The following ARHGAP42 variants were observed in gnomAD, a reference collection of about 807,000 sequenced individuals.
The protein encoded by ARHGAP42 is rho GTPase-activating protein 42.
Under a neutral mutation model 125.0 loss-of-function variants are expected in ARHGAP42, and 63 were observed. That is an observed-to-expected ratio of 0.50 (90% CI 0.41 to 0.62). The LOEUF (loss-of-function observed/expected upper bound fraction) is 0.62. Ranked by LOEUF, ARHGAP42 falls within the 20% of genes least tolerant of loss-of-function variation. The probability of loss-of-function intolerance (pLI) is 0.00; values close to 1 mark genes in which losing one functional copy is unlikely to be tolerated. For synonymous variants in ARHGAP42, 339 were observed against 351.0 expected (o/e 0.97, Z 0.38); for missense variants, 766 against 1,024.2 (o/e 0.75, Z 3.44).
At chr11:100,905,827 A>T (rs1866717953) in intron 4 of ARHGAP42, among the ~76,000 whole-genome samples, 1 of 152,104 alleles carries the variant, frequency 6.6e-6, no homozygotes, top group South Asian at 2.1e-4. Flanking sequence ...AGATAACCAA[A>T]ATTAGCCAGG....
intron 1 of ARHGAP42, among the ~76,000 whole-genome samples, chr11:100,721,104 A>G (rs976231728): frequency 6.6e-6 from 1 of 152,174 alleles, no homozygotes; most frequent in Admixed American, 6.5e-5. Flanking sequence ...ATATTGATAC[A>G]TTATTCTTAA....
rs141352180 is a variant in ARHGAP42, at chr11:100,949,867, G to A, written c.1123-50G>A. 1,545 of 1,244,780 alleles carry A rather than the reference G, an allele frequency of 1.2e-3. 15 individuals carry two copies. The African/African-American group carries it at 0.021, about 17-fold the overall frequency. 77.1% of individuals were successfully genotyped at this position (1,244,780 alleles called of 1,614,324 possible). A position where few individuals can be genotyped will look rare whatever the true frequency, so the allele number is the denominator to read the frequency against. ...ACAGATATCACCTTGCTAATCTTTT[G>A]TGCTGGGTCATTAACTGGAAGTAAC... is the stretch of plus-strand genomic sequence containing the variant. On this transcript the variant is annotated intron_variant, in intron 11 of 23. Coordinates refer to ENST00000298815, the MANE Select transcript of ARHGAP42 (RefSeq NM_152432.4).
At chr11:100,816,198 C>T (rs534288966) in intron 3 of ARHGAP42, among the ~76,000 whole-genome samples, 11 of 152,238 alleles carry the variant, frequency 7.2e-5, no homozygotes, top group Admixed American at 6.5e-5. Context: ...TATGGTAATT[C>T]TATTTTTAAT....
At chr11:100,783,978 G>T (rs932288612) in intron 2 of ARHGAP42, among the ~76,000 whole-genome samples, 9 of 152,284 alleles carry the variant, frequency 5.9e-5, no homozygotes, top group Admixed American at 5.9e-4. Context: ...TAATGCTAAG[G>T]AGAATGTGCC....
chr11:100,749,499 G>C lies in ARHGAP42; in HGVS notation c.155-20844G>C, dbSNP rs536691341. On this transcript the variant is annotated intron_variant, in intron 1 of 23. Coordinates refer to ENST00000298815, the MANE Select transcript of ARHGAP42 (RefSeq NM_152432.4). ...TGTCTCGCCTGGCCTGCCCCGGAAGGCTCAACCCCTCAAACCAGGGATGTC... is the reference window on the plus strand; with the variant it reads ...TGTCTCGCCTGGCCTGCCCCGGAAGCCTCAACCCCTCAAACCAGGGATGTC... Among the ~76,000 whole-genome samples the C allele has an allele frequency of 1.5e-4, 22 of 149,034 alleles. No homozygotes were observed. The South Asian group carries it at 2.2e-3, about 15-fold the overall frequency.
chr11:100,705,166 C>G (rs1268943479), intron 1 of ARHGAP42, among the ~76,000 whole-genome samples: 1 of 152,154 alleles, frequency 6.6e-6, no homozygotes, highest in Non-Finnish European at 1.5e-5. Context: ...CCCAATTTAA[C>G]CAAATAATCT....
chr11:100,704,694 C>A (rs945025859), intron 1 of ARHGAP42, among the ~76,000 whole-genome samples: 2 of 151,436 alleles, frequency 1.3e-5, no homozygotes, highest in African/African-American at 4.9e-5. Context: ...CTCGGTGGTT[C>A]ATGCCTGTAA....
chr11:100,868,099 G>A (rs1404421865), intron 4 of ARHGAP42, among the ~76,000 whole-genome samples: 1 of 152,082 alleles, frequency 6.6e-6, no homozygotes, highest in Non-Finnish European at 1.5e-5. Context: ...ATAATAATCA[G>A]AAACTTTGAA....
intron 3 of ARHGAP42, among the ~76,000 whole-genome samples, chr11:100,809,972 A>T (rs1864096636): frequency 6.6e-6 from 1 of 152,124 alleles, no homozygotes; most frequent in African/African-American, 2.4e-5. Context: ...AGGCATAAAA[A>T]TCTAAGACTT....
chr11:100,862,203 G>A (rs565899046), intron 4 of ARHGAP42, among the ~76,000 whole-genome samples: 59 of 152,198 alleles, frequency 3.9e-4, no homozygotes, highest in African/African-American at 1.3e-3. Flanking sequence ...AAATGATGGG[G>A]TGACTTGCAC....
chr11:100,913,344 C>G, intron 4 of ARHGAP42, 108 bp from the exon 5 acceptor site: 1 of 360,822 alleles, frequency 2.8e-6, no homozygotes, highest in Non-Finnish European at 5.1e-6. Flanking sequence ...AGTTGGGACT[C>G]ACTGTCTTTA....
chr11:100,738,845 G>A (rs1862120100), intron 1 of ARHGAP42, among the ~76,000 whole-genome samples: 1 of 152,290 alleles, frequency 6.6e-6, no homozygotes, highest in South Asian at 2.1e-4. Context: ...AACAAACTGT[G>A]CCCGTTGCAT....
At chr11:100,881,368 A>G (rs1398133018) in intron 4 of ARHGAP42, among the ~76,000 whole-genome samples, 1 of 152,092 alleles carries the variant, frequency 6.6e-6, no homozygotes, top group Non-Finnish European at 1.5e-5. Context: ...TGTTTACTTT[A>G]TCAAAGATGA....
At chr11:100,970,143 C>G (rs914845706) in intron 17 of ARHGAP42, among the ~76,000 whole-genome samples, 5 of 152,070 alleles carry the variant, frequency 3.3e-5, no homozygotes, top group African/African-American at 7.2e-5. Context: ...CACTCACCAC[C>G]ACACCCGGCT....
At chr11:100,955,245 A>T (rs914273458) in intron 12 of ARHGAP42, among the ~76,000 whole-genome samples, 1 of 151,900 alleles carries the variant, frequency 6.6e-6, no homozygotes, top group Non-Finnish European at 1.5e-5. Context: ...GGAAAAAAAA[A>T]GGTTTAGGCT....
intron 4 of ARHGAP42, among the ~76,000 whole-genome samples, chr11:100,887,464 C>G (rs1029796212): frequency 6.6e-6 from 1 of 152,186 alleles, no homozygotes; most frequent in Admixed American, 6.6e-5. Context: ...GAATCAAATA[C>G]TTTCATCTTT....
chr11:100,787,074 G>A (rs577997380), intron 2 of ARHGAP42, among the ~76,000 whole-genome samples: 3 of 151,992 alleles, frequency 2.0e-5, no homozygotes, highest in South Asian at 2.1e-4. Context: ...TCAGGAGATC[G>A]AGACCATCCT....
At chr11:100,947,544 A>G (rs2135280444) in intron 10 of ARHGAP42, among the ~76,000 whole-genome samples, 1 of 152,090 alleles carries the variant, frequency 6.6e-6, no homozygotes, top group South Asian at 2.1e-4. Flanking sequence ...AACATAACAC[A>G]GTGCCTGTCA....
chr11:100,820,263 G>T lies in ARHGAP42; in HGVS notation c.312+25097G>T, dbSNP rs181834610. On this transcript the variant is annotated intron_variant, in intron 3 of 23. Coordinates refer to ENST00000298815, the MANE Select transcript of ARHGAP42 (RefSeq NM_152432.4). Reference sequence around the variant, plus strand: ...ATTATTGGGTAGTTCTGAAGTGGGGGTAGTTACCAGTAAGCCAGAAGTCAA... The same window carrying T: ...ATTATTGGGTAGTTCTGAAGTGGGGTTAGTTACCAGTAAGCCAGAAGTCAA... Among the ~76,000 whole-genome samples the T allele has an allele frequency of 2.0e-5, 3 of 152,208 alleles. No homozygotes were observed. In the East Asian group the frequency reaches 5.8e-4, roughly 29 times the overall value.
Sources: allele counts gnomAD v4.1 joint callset (sites outside exome capture counted in the v4.1 genomes callset), GRCh38; gene constraint gnomAD v4.1.1; transcripts MANE v1.5; gene names NCBI Gene and HGNC (gene_info 2026-07-23, HGNC 2026-07-21).